RERE: variants seen among roughly 807,000 people sequenced by gnomAD.
RERE encodes the protein arginine-glutamic acid dipeptide repeats.
Under a neutral mutation model 146.1 loss-of-function variants are expected in RERE, and 40 were observed. That is an observed-to-expected ratio of 0.27 (90% confidence interval 0.21 to 0.36). The LOEUF (loss-of-function observed/expected upper bound fraction) is 0.36. RERE is among the 10% of genes least tolerant of loss of function. RERE has a pLI of 1.00. For missense variants in RERE, 1,933 were observed against 2,138.7 expected (o/e 0.90, Z 1.90); for synonymous variants, 1,003 against 866.0 (o/e 1.16, Z -2.78).
chr1:8,759,814 A>G (rs1483237901), intron 1 of RERE, among the ~76,000 whole-genome samples: 1 of 149,646 alleles, frequency 6.7e-6, no homozygotes, highest in African/African-American at 2.5e-5. Context: ...ATATACGTAT[A>G]ACTCTAAATT....
chr1:8,732,230 CAG>C (rs1557509679), intron 1 of RERE, among the ~76,000 whole-genome samples: 1 of 152,200 alleles, frequency 6.6e-6, no homozygotes, highest in Non-Finnish European at 1.5e-5. Flanking sequence ...TATTCATAAT[CAG>C]AGACAGAAGG....
rs1352671754 is a variant in RERE at position 8,531,068 on chromosome 1, TCTAA to T, written c.830+10142_830+10145del. Among the ~76,000 whole-genome samples, 304 of 143,178 alleles carry T rather than the reference TCTAA, an allele frequency of 2.1e-3. 2 individuals are homozygous for T. The highest frequency in any genetic ancestry group is 6.9e-3 in the African/African-American group (257 of 37,174). 93.9% of individuals were successfully genotyped at this position (143,178 alleles called of 152,430 possible). ...ATCTATCTATCTATCTATCTATCTA[TCTAA>T]CTTTCTATCTATCTGTCCATCTTTC... On this transcript the variant is annotated intron_variant, in intron 7 of 22. Coordinates refer to ENST00000400908, the MANE Select transcript of RERE (RefSeq NM_001042681.2).
At chr1:8,661,079 G>T (rs1489500877) in intron 1 of RERE, among the ~76,000 whole-genome samples, 1 of 87,890 alleles carries the variant, frequency 1.1e-5, no homozygotes, top group Non-Finnish European at 2.3e-5. Context: ...GAAATCTAAG[G>T]GGGACACAGT....
chr1:8,657,813 C>T (rs1638357442), intron 1 of RERE, among the ~76,000 whole-genome samples: 1 of 152,200 alleles, frequency 6.6e-6, no homozygotes, highest in Non-Finnish European at 1.5e-5. Context: ...CACCACTGCA[C>T]TCCAGTCTGG....
chr1:8,570,450 T>C (rs1385987336), intron 4 of RERE, among the ~76,000 whole-genome samples: 5 of 152,306 alleles, frequency 3.3e-5, no homozygotes, highest in East Asian at 3.9e-4. Context: ...CAAATAACTA[T>C]AATTTTTAGA....
intron 10 of RERE, among the ~76,000 whole-genome samples, chr1:8,481,913 G>T (rs1311827851): frequency 6.6e-6 from 1 of 152,146 alleles, no homozygotes; most frequent in Non-Finnish European, 1.5e-5. Flanking sequence ...GTATCCCTGG[G>T]TCACCTTATG....
intron 10 of RERE, among the ~76,000 whole-genome samples, chr1:8,474,784 T>C (rs1644732203): frequency 6.6e-6 from 1 of 152,232 alleles, no homozygotes; most frequent in Non-Finnish European, 1.5e-5. Context: ...GTTTCTACTA[T>C]GCCAAAGCAT....
chr1:8,360,743 G>C lies in RERE; in HGVS notation c.2764C>G (p.Pro922Ala), dbSNP rs571471435. 6.9e-6 allele frequency: 11 copies of C among 1,600,140 alleles called. No homozygotes were observed. In the African/African-American group the frequency reaches 9.4e-5, roughly 14 times the overall value. The change falls in exon 18 of 23, where the codon CCC (proline) becomes GCC (alanine). Residue 922 changes from proline to alanine, a missense_variant. By Grantham distance (27) the Pro-to-Ala change is conservative (BLOSUM62 -1). Coordinates refer to ENST00000400908, the MANE Select transcript of RERE (RefSeq NM_001042681.2). ...PPREQPLPPA[P>A]LAMPHIKPPP... ...GGCTTGATGTGGGGCATGGCCAAGG[G>C]CGCTGGTGGCAGGGGCTGCTCCCGT...
chr1:8,419,499 C>T (rs1643864979), intron 12 of RERE, among the ~76,000 whole-genome samples: 1 of 152,108 alleles, frequency 6.6e-6, no homozygotes, highest in African/African-American at 2.4e-5. Flanking sequence ...TAGTTGCTGC[C>T]CTCCAAGTTT....
intron 7 of RERE, 70 bp downstream of exon 7, chr1:8,541,144 C>T (rs1270052446): frequency 1.2e-5 from 10 of 827,360 alleles, no homozygotes; most frequent in African/African-American, 8.5e-5. Flanking sequence ...CACACACACA[C>T]ACATACACAC....
intron 7 of RERE, among the ~76,000 whole-genome samples, chr1:8,521,508 T>C (rs1164452459): frequency 1.3e-5 from 2 of 152,096 alleles, no homozygotes; most frequent in Non-Finnish European, 2.9e-5. Flanking sequence ...TAAAAATATA[T>C]GTTGTTGTTG....
chr1:8,649,910 C>CA (rs1029760177), intron 2 of RERE, among the ~76,000 whole-genome samples: 1 of 151,650 alleles, frequency 6.6e-6, no homozygotes. Flanking sequence ...AGAAAAGATA[C>CA]AAAAAAGGCT....
chr1:8,699,754 G>A (rs1639407899), intron 1 of RERE, among the ~76,000 whole-genome samples: 1 of 152,080 alleles, frequency 6.6e-6, no homozygotes, highest in Non-Finnish European at 1.5e-5. Context: ...AGAAAATACT[G>A]CACTCTACTG....
intron 12 of RERE, among the ~76,000 whole-genome samples, chr1:8,374,333 C>T (rs900654981): frequency 6.6e-6 from 1 of 152,168 alleles, no homozygotes; most frequent in East Asian, 1.9e-4. Flanking sequence ...TACCCAGGCA[C>T]CTTTTTATAA....
chr1:8,480,350 G>T lies in RERE; in HGVS notation c.1105-14327C>A, dbSNP rs185815750. On this transcript the variant is annotated intron_variant, in intron 10 of 22. Transcript: ENST00000400908. ...AGACGGGGTTTCACCATGTTGGTCAGGCTAGTCTTGAACTCTTGATGTCGT... is the reference window on the plus strand; with the variant it reads ...AGACGGGGTTTCACCATGTTGGTCATGCTAGTCTTGAACTCTTGATGTCGT... Among the ~76,000 whole-genome samples the T allele has an allele frequency of 5.3e-5, 8 of 151,620 alleles. No homozygotes were observed. In the East Asian group the frequency reaches 1.4e-3, roughly 26 times the overall value.
intron 11 of RERE, among the ~76,000 whole-genome samples, chr1:8,452,121 G>A (rs972984881): frequency 6.6e-5 from 10 of 151,938 alleles, no homozygotes; most frequent in Admixed American, 3.9e-4. Context: ...AACTCTGCCC[G>A]GTGAAATCCT....
At chr1:8,755,242 T>C (rs1461325435) in intron 1 of RERE, among the ~76,000 whole-genome samples, 3 of 152,210 alleles carry the variant, frequency 2.0e-5, no homozygotes, top group African/African-American at 7.2e-5. Flanking sequence ...CTTAATTTAA[T>C]ATGAAGCTAA....
At chr1:8,624,641 G>A (rs1172176686) in intron 2 of RERE, among the ~76,000 whole-genome samples, 2 of 152,124 alleles carry the variant, frequency 1.3e-5, no homozygotes, top group African/African-American at 4.8e-5. Flanking sequence ...GAAGAAGAAG[G>A]GGAGGAGTCC....
intron 1 of RERE, among the ~76,000 whole-genome samples, chr1:8,805,671 A>C (rs1641676839): frequency 6.6e-6 from 1 of 150,756 alleles, no homozygotes; most frequent in South Asian, 2.1e-4. Context: ...AAAAACAAAA[A>C]CAAAAATTAG....
Sources: allele counts gnomAD v4.1 joint callset (sites outside exome capture counted in the v4.1 genomes callset), GRCh38; gene constraint gnomAD v4.1.1; transcripts MANE v1.5; gene names NCBI Gene and HGNC (gene_info 2026-07-23, HGNC 2026-07-21).